HECW1: variants seen among roughly 807,000 people sequenced by gnomAD.
The protein encoded by HECW1 is HECT, C2 and WW domain containing E3 ubiquitin protein ligase 1.
Under a neutral mutation model 182.3 loss-of-function variants are expected in HECW1, and 61 were observed. The ratio of observed to expected loss-of-function variants is 0.33; its 90% CI spans 0.27 to 0.41. The LOEUF (loss-of-function observed/expected upper bound fraction) is 0.41, where lower values mean the gene tolerates loss of function less well. Ranked by LOEUF, HECW1 falls within the 10% of genes least tolerant of loss-of-function variation. The pLI is 1.00. For missense variants in HECW1, 1,739 were observed against 2,108.9 expected (o/e 0.82, Z 3.44); for synonymous variants, 859 against 832.6 (o/e 1.03, Z -0.55).
intron 13 of HECW1, among the ~76,000 whole-genome samples, chr7:43,458,609 A>G (rs1229635918): frequency 6.6e-6 from 1 of 152,248 alleles, no homozygotes; most frequent in Non-Finnish European, 1.5e-5. Context: ...CTTGTGAAAA[A>G]GCATACCTAG....
intron 29 of HECW1, among the ~76,000 whole-genome samples, chr7:43,560,286 T>C (rs74365405): frequency 1.1e-3 from 162 of 152,354 alleles, no homozygotes; most frequent in African/African-American, 3.9e-3. Context: ...GTAAAGTATT[T>C]CAATTATTTT....
At chr7:43,436,871 G>T (rs143351379) in intron 8 of HECW1, among the ~76,000 whole-genome samples, 286 of 152,158 alleles carry the variant, frequency 1.9e-3, no homozygotes, top group African/African-American at 6.7e-3. Context: ...AAATTTTTGT[G>T]TATATTGTTT....
At chr7:43,455,527 A>G (rs4724208) in intron 12 of HECW1, among the ~76,000 whole-genome samples, 92,765 of 152,108 alleles carry the variant, frequency 0.61, 28,519 homozygotes, top group Middle Eastern at 0.72. Flanking sequence ...CAAAGAAAGC[A>G]TTCTCCAGCA....
intron 6 of HECW1, among the ~76,000 whole-genome samples, chr7:43,361,907 C>T (rs1452907007): frequency 1.4e-5 from 2 of 147,764 alleles, no homozygotes; most frequent in Admixed American, 6.8e-5. Flanking sequence ...TTGGGAGTCC[C>T]CAGGCAGGCG....
intron 2 of HECW1, among the ~76,000 whole-genome samples, chr7:43,239,599 G>A (rs1440944061): frequency 6.6e-6 from 1 of 152,168 alleles, no homozygotes; most frequent in African/African-American, 2.4e-5. Context: ...CCTCCTGCTG[G>A]AACTCAACAA....
At chr7:43,554,124 C>T (rs369578125) in intron 28 of HECW1, among the ~76,000 whole-genome samples, 2 of 152,206 alleles carry the variant, frequency 1.3e-5, no homozygotes, top group Non-Finnish European at 2.9e-5. Context: ...CTCCTGTTCA[C>T]GAAACTGGCT....
chr7:43,304,440 C>A (rs1426589688), intron 3 of HECW1, among the ~76,000 whole-genome samples: 2 of 151,756 alleles, frequency 1.3e-5, no homozygotes, highest in African/African-American at 4.9e-5. Context: ...CCCACAAGTG[C>A]ATTCATTCAT....
chr7:43,211,905 A>G (rs1283170302), intron 2 of HECW1, among the ~76,000 whole-genome samples: 1 of 152,192 alleles, frequency 6.6e-6, no homozygotes, highest in Non-Finnish European at 1.5e-5. Context: ...AATTCTTCAG[A>G]TGTATGGTAT....
At chr7:43,302,746 A>G (rs1000556997) in intron 3 of HECW1, among the ~76,000 whole-genome samples, 1 of 152,194 alleles carries the variant, frequency 6.6e-6, no homozygotes, top group African/African-American at 2.4e-5. Flanking sequence ...GTGAACACAT[A>G]TCCTTTTCCT....
intron 13 of HECW1, among the ~76,000 whole-genome samples, chr7:43,458,837 C>A (rs2077485741): frequency 1.3e-5 from 2 of 152,132 alleles, no homozygotes; most frequent in African/African-American, 4.8e-5. Flanking sequence ...TGGCTCACAG[C>A]CATGTGGAAG....
chr7:43,358,350 A>G (rs971749144), intron 5 of HECW1, among the ~76,000 whole-genome samples: 7 of 152,192 alleles, frequency 4.6e-5, no homozygotes, highest in Admixed American at 3.9e-4. Flanking sequence ...CATGGGGACA[A>G]CTTTGAGGTG....
intron 2 of HECW1, among the ~76,000 whole-genome samples, chr7:43,192,189 C>G (rs745564727): frequency 4.6e-5 from 7 of 152,130 alleles, no homozygotes; most frequent in Non-Finnish European, 1.0e-4. Flanking sequence ...AAACTCCTGA[C>G]CTCAGGTGAT....
chr7:43,298,329 CT>C (rs2152760860), intron 3 of HECW1, among the ~76,000 whole-genome samples: 1 of 152,330 alleles, frequency 6.6e-6, no homozygotes, highest in East Asian at 1.9e-4. Flanking sequence ...GCCATGATTT[CT>C]ATTTCAGTTC....
At chr7:43,261,339 C>T (rs1191300690) in intron 3 of HECW1, among the ~76,000 whole-genome samples, 1 of 152,196 alleles carries the variant, frequency 6.6e-6, no homozygotes, top group African/African-American at 2.4e-5. Flanking sequence ...TGAGTAGCAT[C>T]CCAAGCATGT....
chr7:43,562,598 G>A lies in HECW1; in HGVS notation c.*672G>A. On this transcript the variant is annotated 3_prime_UTR_variant, in exon 30 of 30. Transcript: ENST00000395891. The stretch of plus-strand genomic sequence containing the variant: ...TAACAACAGCAAGAAAACACCTGCT[G>A]CTGATGCAATGCAATGCATCCCAAT... The A allele has an allele frequency of 4.4e-6, 1 of 228,436 alleles. No homozygotes were observed. Among genetic ancestry groups the A allele is most frequent in the Non-Finnish European group, 8.7e-6 (1 of 114,738 alleles). 14.2% of individuals were successfully genotyped at this position (228,436 alleles called of 1,614,324 possible).
intron 2 of HECW1, among the ~76,000 whole-genome samples, chr7:43,219,750 A>G (rs1796791629): frequency 1.3e-5 from 2 of 152,216 alleles, no homozygotes; most frequent in Non-Finnish European, 2.9e-5. Context: ...TCGATCTTTA[A>G]TTACCAGCCC....
intron 2 of HECW1, among the ~76,000 whole-genome samples, chr7:43,206,545 T>A (rs992715345): frequency 2.6e-5 from 4 of 152,242 alleles, no homozygotes; most frequent in Admixed American, 1.3e-4. Context: ...ACTTTCATTT[T>A]TTAAGAGGCG....
intron 5 of HECW1, among the ~76,000 whole-genome samples, chr7:43,351,376 C>T (rs34877754): frequency 0.12 from 18,863 of 152,164 alleles, 1,592 homozygotes; most frequent in Non-Finnish European, 0.19. Context: ...CAGAGAGTTT[C>T]GGCTGTAGTA....
intron 3 of HECW1, among the ~76,000 whole-genome samples, chr7:43,296,961 A>C (rs1806130737): frequency 1.3e-5 from 2 of 152,158 alleles, no homozygotes; most frequent in South Asian, 4.2e-4. Flanking sequence ...CCAATTAGAG[A>C]CAGTGATGGC....
Sources: gnomAD v4.1 joint callset for allele counts (sites outside exome capture counted in the v4.1 genomes callset) on GRCh38, gnomAD v4.1.1 for gene constraint, MANE v1.5 for transcripts, NCBI Gene and HGNC (gene_info 2026-07-23, HGNC 2026-07-21) for gene names.